DAB1: variants seen among roughly 807,000 people sequenced by gnomAD.
DAB1 encodes the protein disabled homolog 1.
Under a neutral mutation model 64.6 loss-of-function variants are expected in DAB1, and 15 were observed. That is an observed-to-expected ratio of 0.23 (90% CI 0.16 to 0.36). DAB1 has a LOEUF of 0.36. Ranked by LOEUF, DAB1 falls within the 10% of genes least tolerant of loss-of-function variation. The pLI is 1.00. For synonymous variants in DAB1, 235 were observed against 251.9 expected (o/e 0.93, Z 0.64); for missense variants, 596 against 706.7 (o/e 0.84, Z 1.78).
At chr1:57,648,565 A>T (rs1237880580) in intron 7 of DAB1, among the ~76,000 whole-genome samples, 1 of 152,086 alleles carries the variant, frequency 6.6e-6, no homozygotes, top group Admixed American at 6.5e-5. Flanking sequence ...AGCTTCTCAT[A>T]TTTTTAATGA....
intron 7 of DAB1, among the ~76,000 whole-genome samples, chr1:57,624,018 C>G (rs1412599070): frequency 6.6e-6 from 1 of 152,172 alleles, no homozygotes; most frequent in Non-Finnish European, 1.5e-5. Flanking sequence ...ATTGTGGCAT[C>G]TGAATGACTA....
At chr1:58,060,585 A>T (rs2764677) in intron 5 of DAB1, among the ~76,000 whole-genome samples, 141,666 of 152,122 alleles carry the variant, frequency 0.93, 66,729 homozygotes, top group East Asian at 1. Flanking sequence ...TCTTTTTTTT[A>T]CCTGACAGTT....
chr1:57,489,005 C>T (rs17115864), intron 7 of DAB1, among the ~76,000 whole-genome samples: 12 of 152,162 alleles, frequency 7.9e-5, no homozygotes, highest in Admixed American at 5.9e-4. Context: ...AAGGGCACAT[C>T]GATGGAAGAC....
At chr1:57,839,694 C>T (rs1006830454) in intron 1 of DAB1, among the ~76,000 whole-genome samples, 7 of 152,198 alleles carry the variant, frequency 4.6e-5, no homozygotes, top group African/African-American at 1.4e-4. Context: ...TCAGTGTACA[C>T]AGCTGTGAAG....
intron 2 of DAB1, among the ~76,000 whole-genome samples, chr1:57,156,446 C>T (rs562486738): frequency 1.3e-5 from 2 of 152,292 alleles, no homozygotes; most frequent in East Asian, 3.9e-4. Flanking sequence ...TGACTGTGTC[C>T]TCTGAACCTA....
chr1:57,719,996 C>A (rs1379128574), intron 6 of DAB1, among the ~76,000 whole-genome samples: 1 of 152,134 alleles, frequency 6.6e-6, no homozygotes, highest in Non-Finnish European at 1.5e-5. Context: ...TAGTTGTTCC[C>A]ATCTGTGAAA....
At chr1:57,294,396 A>C (rs1673026912) in intron 1 of DAB1, among the ~76,000 whole-genome samples, 1 of 152,104 alleles carries the variant, frequency 6.6e-6, no homozygotes, top group African/African-American at 2.4e-5. Flanking sequence ...CTAAAATGTA[A>C]AATTTCATGT....
intron 1 of DAB1, among the ~76,000 whole-genome samples, chr1:57,315,173 A>T (rs1675087330): frequency 6.6e-6 from 1 of 151,940 alleles, no homozygotes; most frequent in African/African-American, 2.4e-5. Flanking sequence ...CTCAAATGTC[A>T]CCTATTTAAA....
intron 6 of DAB1, among the ~76,000 whole-genome samples, chr1:57,758,866 A>G (rs1404056637): frequency 6.6e-6 from 1 of 152,228 alleles, no homozygotes; most frequent in African/African-American, 2.4e-5. Context: ...TGCAATAAAC[A>G]TTCACAAAAC....
At chr1:58,147,349 T>C (rs2100726178) in intron 5 of DAB1, among the ~76,000 whole-genome samples, 1 of 132,592 alleles carries the variant, frequency 7.5e-6, no homozygotes, top group South Asian at 2.5e-4. Context: ...CCAGGCGTGG[T>C]GGCTCATGCC....
At chr1:57,839,113 T>C (rs1264953842) in intron 1 of DAB1, among the ~76,000 whole-genome samples, 1 of 152,138 alleles carries the variant, frequency 6.6e-6, no homozygotes, top group Non-Finnish European at 1.5e-5. Context: ...GCCCTTCTTT[T>C]CAAGATTGTC....
At chr1:58,136,784 C>A (rs1350229034) in intron 5 of DAB1, among the ~76,000 whole-genome samples, 1 of 152,162 alleles carries the variant, frequency 6.6e-6, no homozygotes, top group East Asian at 1.9e-4. Flanking sequence ...TCTCTTTAAT[C>A]CTCATTGTGA....
chr1:58,451,995 G>T (rs1160182482), intron 3 of DAB1, among the ~76,000 whole-genome samples: 2 of 147,088 alleles, frequency 1.4e-5, no homozygotes, highest in African/African-American at 5.1e-5. Context: ...TCCGCTCACT[G>T]CAACCTTTGT....
At chr1:57,434,080 C>T (rs1685607493) in intron 7 of DAB1, among the ~76,000 whole-genome samples, 1 of 152,070 alleles carries the variant, frequency 6.6e-6, no homozygotes, top group Non-Finnish European at 1.5e-5. Flanking sequence ...TTACCTGGCA[C>T]TTTCTTATAA....
chr1:58,358,113 T>C (rs764564631), intron 3 of DAB1, among the ~76,000 whole-genome samples: 11 of 152,198 alleles, frequency 7.2e-5, no homozygotes, highest in Non-Finnish European at 1.2e-4. Context: ...AATTTAAGAA[T>C]GTAAACACCT....
intron 1 of DAB1, among the ~76,000 whole-genome samples, chr1:58,540,786 C>T (rs1312602293): frequency 6.6e-6 from 1 of 150,988 alleles, no homozygotes; most frequent in Admixed American, 6.6e-5. Context: ...TAACTGAAGT[C>T]CCCAAAAAGC....
intron 3 of DAB1, among the ~76,000 whole-genome samples, chr1:58,365,701 C>G (rs552660821): frequency 2.0e-5 from 3 of 152,120 alleles, no homozygotes; most frequent in Non-Finnish European, 4.4e-5. Flanking sequence ...TAGAAAAATC[C>G]AACTTTCTAG....
chr1:58,103,708 T>C (rs1442117465), intron 5 of DAB1, among the ~76,000 whole-genome samples: 2 of 152,194 alleles, frequency 1.3e-5, no homozygotes, highest in African/African-American at 2.4e-5. Context: ...TGGGTGTTAG[T>C]ATCCCCTTAA....
Position 57,326,045 on chromosome 1 carries a change from C to A in DAB1, c.-136-34879G>T, listed in dbSNP as rs149563574. ...AACAAGCATTTACTAGGGATTTCTCCGAGTTCTACACTTTTGCTAGGCATA... is the reference window on the plus strand; with the variant it reads ...AACAAGCATTTACTAGGGATTTCTCAGAGTTCTACACTTTTGCTAGGCATA... On this transcript the variant is annotated intron_variant, in intron 1 of 14. Coordinates refer to ENST00000371236, the MANE Select transcript of DAB1 (RefSeq NM_001365792.1). Among the ~76,000 whole-genome samples the A allele has an allele frequency of 2.8e-4, 43 of 152,316 alleles. No homozygotes were observed. In the East Asian group the frequency reaches 7.9e-3, roughly 28 times the overall value.
Sources: gnomAD v4.1 joint callset for allele counts (sites outside exome capture counted in the v4.1 genomes callset) on GRCh38, gnomAD v4.1.1 for gene constraint, MANE v1.5 for transcripts, NCBI Gene and HGNC (gene_info 2026-07-23, HGNC 2026-07-21) for gene names.